The following ZNF766 variants were observed in gnomAD, a reference collection of about 807,000 sequenced individuals.
The protein encoded by ZNF766 is zinc finger protein 766.
ZNF766 carries 13 observed loss-of-function variants against 13.2 expected under a neutral mutation model. That is an observed-to-expected ratio of 0.98 (90% confidence interval 0.64 to 1.56). The LOEUF (loss-of-function observed/expected upper bound fraction) is 1.56, where lower values mean the gene tolerates loss of function less well. Among genes scored for constraint, ZNF766 ranks in the 40% most tolerant of loss-of-function variants. The probability of loss-of-function intolerance (pLI) is 0.00; values close to 1 mark genes in which losing one functional copy is unlikely to be tolerated. For synonymous variants in ZNF766, 178 were observed against 187.6 expected, an observed-to-expected ratio of 0.95 and a Z score of 0.42; for missense variants, 521 against 552.2, an observed-to-expected ratio of 0.94 and a Z score of 0.57.
At position 52,290,888 on chromosome 19, in the gene ZNF766, A is replaced by G. The variant is rs1326008295; in HGVS notation, c.1097A>G (p.His366Arg). Residue 366 changes from histidine (H) to arginine (R), a missense_variant, in exon 4 of 4, where the codon CAC becomes CGC. Physicochemically the swap from His to Arg is conservative, Grantham distance 29 (BLOSUM62 0). Coordinates refer to ENST00000439461, the MANE Select transcript of ZNF766 (RefSeq NM_001010851.3). ...KCKECDKAFR[H>R]KFSLTVHQRN... Reference sequence around the variant, plus strand: ...AAAGAATGTGACAAAGCTTTTAGGCACAAGTTCTCCCTGACAGTTCATCAG... The same window carrying G: ...AAAGAATGTGACAAAGCTTTTAGGCGCAAGTTCTCCCTGACAGTTCATCAG... 6.2e-7 allele frequency: 1 copy of G among 1,614,088 alleles called. No individual in the cohort carries two copies. The highest frequency in any genetic ancestry group is 8.5e-7 in the Non-Finnish European group (1 of 1,180,028).
intron 3 of ZNF766, among the ~76,000 whole-genome samples, chr19:52,289,173 C>T (rs1277857382): frequency 2.6e-5 from 3 of 113,566 alleles, no homozygotes; most frequent in East Asian, 2.7e-4. Context: ...TTTTTTGAAA[C>T]GGATTCTCAT....
At chr19:52,273,388 T>G (rs1981058679) in intron 1 of ZNF766, among the ~76,000 whole-genome samples, 1 of 152,210 alleles carries the variant, frequency 6.6e-6, no homozygotes, top group Non-Finnish European at 1.5e-5. Context: ...TGAAATTCTT[T>G]GGAGGTATGG....
intron 1 of ZNF766, among the ~76,000 whole-genome samples, chr19:52,270,492 C>T (rs1216367736): frequency 6.6e-6 from 1 of 151,868 alleles, no homozygotes; most frequent in African/African-American, 2.4e-5. Flanking sequence ...CGGGAGGCTC[C>T]TCAGACAAAG....
At chr19:52,281,233 A>T (rs961696006) in intron 1 of ZNF766, among the ~76,000 whole-genome samples, 3 of 151,730 alleles carry the variant, frequency 2.0e-5, no homozygotes, top group African/African-American at 7.3e-5. Flanking sequence ...GTTCTACACT[A>T]TTGGGCCGGG....
rs375108866 is a variant in ZNF766, at chr19:52,290,940, T to A, written c.1149T>A (p.Tyr383Ter). The change falls in exon 4 of 4, where the codon TAT becomes TAA. Residue 383 changes from tyrosine to a stop codon, truncating the protein, a stop_gained. Coordinates refer to ENST00000439461, the MANE Select transcript of ZNF766 (RefSeq NM_001010851.3). LOFTEE classifies it low-confidence loss of function (END_TRUNC). ...HQRNHNGEKP[Y>*]KCHECGKVFT... is the part of the protein sequence containing the mutation. ...GAAATCATAATGGAGAGAAACCTTA[T>A]AAATGTCATGAATGTGGCAAAGTCT... The A allele has an allele frequency of 2.2e-5, 35 of 1,613,654 alleles. No individual in the cohort carries two copies. The highest frequency in any genetic ancestry group is 3.0e-5 in the Non-Finnish European group (35 of 1,179,984).
chr19:52,276,634 TG>T (rs1981215984), intron 1 of ZNF766, among the ~76,000 whole-genome samples: 1 of 152,228 alleles, frequency 6.6e-6, no homozygotes, highest in African/African-American at 2.4e-5. Flanking sequence ...GTTGGCAATT[TG>T]GATATGTCAG....
chr19:52,282,464 C>T (rs1981578336), intron 2 of ZNF766: 1 of 324,582 alleles, frequency 3.1e-6, no homozygotes, highest in Admixed American at 4.6e-5. Flanking sequence ...GATAAAACCC[C>T]ATCTGTACTA....
rs1982278842 is a variant in ZNF766 at position 52,294,755 on chromosome 19, A to G, written c.*3557A>G. 1 of 152,082 alleles carries G rather than the reference A, an allele frequency of 6.6e-6. No individual in the cohort carries two copies. The highest frequency in any genetic ancestry group is 1.9e-4 in the East Asian group (1 of 5,178). 9.4% of individuals were successfully genotyped at this position (152,082 alleles called of 1,614,324 possible). ...CTAGCTTCCTCTGGAAGCTCCTGCC[A>G]TCTTGGTTAGGAAAGACTCTGATTT... On this transcript the variant is annotated 3_prime_UTR_variant, in exon 4 of 4. Coordinates refer to ENST00000439461, the MANE Select transcript of ZNF766 (RefSeq NM_001010851.3).
At position 52,288,693 on chromosome 19, in the gene ZNF766, C is replaced by T. The variant is rs1206996753; in HGVS notation, c.275-1373C>T. 4.1e-5 allele frequency among the ~76,000 whole-genome samples: 6 copies of T among 146,788 alleles called. No homozygotes were observed. In the East Asian group the frequency reaches 6.0e-4, roughly 15 times the overall value. On this transcript the variant is annotated intron_variant, in intron 3 of 3. Coordinates refer to ENST00000439461, the MANE Select transcript of ZNF766 (RefSeq NM_001010851.3). ...ATAGGTGTGAGCCACCACACCCAGC[C>T]GTTTTTTTTTTTTCATGTATGCATA...
intron 1 of ZNF766, among the ~76,000 whole-genome samples, chr19:52,276,250 C>T (rs1343638249): frequency 6.6e-6 from 1 of 152,202 alleles, no homozygotes; most frequent in Non-Finnish European, 1.5e-5. Flanking sequence ...ACATCCTCTG[C>T]ACCCTCCCAT....
intron 1 of ZNF766, among the ~76,000 whole-genome samples, chr19:52,280,579 T>A (rs762177810): frequency 2.4e-4 from 36 of 151,984 alleles, no homozygotes; most frequent in Non-Finnish European, 4.0e-4. Context: ...ATTTTAATTT[T>A]AATTTTATTT....
In ZNF766 at chr19:52,291,761, CAA is replaced by C. The variant is rs201865622; in HGVS notation, c.*577_*578del. 23,412 of 136,672 alleles carry C rather than the reference CAA, an allele frequency of 0.17. 1,738 individuals are homozygous for C. The highest frequency in any genetic ancestry group is 0.27 in the East Asian group (1,348 of 4,910). 8.5% of individuals were successfully genotyped at this position (136,672 alleles called of 1,614,324 possible). A position where few individuals can be genotyped will look rare whatever the true frequency, so the allele number is the denominator to read the frequency against. ...TGGGTGACAGAGCGAGACTCCGTCTCAAAAAAAAAAAAAAATTATTTGGGTTT... is the reference window on the plus strand; with the variant it reads ...TGGGTGACAGAGCGAGACTCCGTCTCAAAAAAAAAAAAATTATTTGGGTTT... On this transcript the variant is annotated 3_prime_UTR_variant, in exon 4 of 4. Coordinates refer to ENST00000439461, the MANE Select transcript of ZNF766 (RefSeq NM_001010851.3).
In ZNF766 at chr19:52,290,365, C is replaced by G; in HGVS notation, c.574C>G (p.Gln192Glu). ...IRRKPYECNEQGKVFRVSSSL... is the reference protein window; with the variant it reads ...IRRKPYECNEEGKVFRVSSSL... Reference sequence around the variant, plus strand: ...GAGAAAACCTTACGAATGTAATGAGCAGGGCAAAGTCTTCAGAGTGTCTTC... The same window carrying G: ...GAGAAAACCTTACGAATGTAATGAGGAGGGCAAAGTCTTCAGAGTGTCTTC... The change falls in exon 4 of 4, where the codon CAG becomes GAG. Residue 192 changes from glutamine to glutamate, a missense_variant. By Grantham distance (29) the Gln-to-Glu change is conservative. Coordinates refer to ENST00000439461, the MANE Select transcript of ZNF766 (RefSeq NM_001010851.3). The G allele has an allele frequency of 1.9e-6, 3 of 1,614,042 alleles. No homozygotes were observed. The highest frequency in any genetic ancestry group is 1.6e-4 in the Middle Eastern group (1 of 6,062).
intron 1 of ZNF766, among the ~76,000 whole-genome samples, chr19:52,270,471 G>A (rs920537599): frequency 2.0e-5 from 3 of 152,104 alleles, no homozygotes; most frequent in African/African-American, 7.2e-5. Flanking sequence ...GTAGGGAGAG[G>A]GGCAGCAAAG....
intron 3 of ZNF766, among the ~76,000 whole-genome samples, chr19:52,288,272 T>C (rs28665950): frequency 0.085 from 12,975 of 152,212 alleles, 1,219 homozygotes; most frequent in African/African-American, 0.23. Context: ...CCACCCGCCT[T>C]GGCCTCCCAA....
chr19:52,290,017 A>C, intron 3 of ZNF766, 49 bp from the exon 4 acceptor site: 1 of 1,528,076 alleles, frequency 6.5e-7, no homozygotes, highest in Non-Finnish European at 8.8e-7. Context: ...AGTGCAAAAA[A>C]CATGCCAGAA....
At chr19:52,276,783 C>T (rs535431513) in intron 1 of ZNF766, among the ~76,000 whole-genome samples, 204 of 152,254 alleles carry the variant, frequency 1.3e-3, no homozygotes, top group Non-Finnish European at 2.1e-3. Context: ...CATTGAGCAC[C>T]GAAGCCGTGT....
At chr19:52,277,214 C>T in intron 1 of ZNF766, 1 of 1,198,112 alleles carries the variant, frequency 8.3e-7, no homozygotes, top group Non-Finnish European at 1.0e-6. Context: ...AATCCCGGCA[C>T]TTTGGGAGGC....
intron 3 of ZNF766, among the ~76,000 whole-genome samples, chr19:52,285,887 C>G (rs1555795934): frequency 6.6e-6 from 1 of 152,184 alleles, no homozygotes. Flanking sequence ...TACCCAAAGA[C>G]TGTAGCAAGG....
Sources: gnomAD v4.1 joint callset for allele counts (sites outside exome capture counted in the v4.1 genomes callset) on GRCh38, gnomAD v4.1.1 for gene constraint, MANE v1.5 for transcripts, NCBI Gene and HGNC (gene_info 2026-07-23, HGNC 2026-07-21) for gene names.